WDPCP: variants seen among roughly 807,000 people sequenced by gnomAD.
WDPCP encodes the protein WD repeat-containing and planar cell polarity effector protein fritz homolog.
WDPCP carries 71 observed loss-of-function variants against 93.1 expected under a neutral mutation model. The observed-to-expected ratio is 0.76, with a 90% confidence interval of 0.63 to 0.93. The LOEUF (loss-of-function observed/expected upper bound fraction) is 0.93, where lower values mean the gene tolerates loss of function less well. WDPCP is among the 40% of genes least tolerant of loss of function. The pLI, the probability that WDPCP is intolerant of heterozygous loss-of-function variation, is 0.00. For synonymous variants in WDPCP, 315 were observed against 315.0 expected, an observed-to-expected ratio of 1.00 and a Z score of 0.00; for missense variants, 844 against 887.4, an observed-to-expected ratio of 0.95 and a Z score of 0.62.
rs905827208 is a variant in WDPCP, at chr2:63,805,548, TG to T, written n.308+8073del. Among the ~76,000 whole-genome samples, 26 of 152,288 alleles carry T rather than the reference TG, an allele frequency of 1.7e-4. No individual in the cohort carries two copies. The East Asian group carries it at 3.9e-3, about 23-fold the overall frequency. On this transcript the variant is annotated intron_variant and non_coding_transcript_variant, in intron 2 of 4. Coordinates refer to the WDPCP transcript ENST00000467687. ...TTGATAGATTCACTCCACCCAATTA[TG>T]ATCTGCAGATTAATGGCTGTCAGCC...
chr2:63,696,381 A>C (rs908721659), intron 2 of WDPCP, among the ~76,000 whole-genome samples: 2 of 152,188 alleles, frequency 1.3e-5, no homozygotes, highest in Non-Finnish European at 2.9e-5. Flanking sequence ...TGAAGCCATG[A>C]AATTTTTCTG....
chr2:63,314,572 C>G (rs1686488767), intron 12 of WDPCP, among the ~76,000 whole-genome samples: 2 of 152,114 alleles, frequency 1.3e-5, no homozygotes, highest in South Asian at 2.1e-4. Context: ...CCTACCTTGG[C>G]TTGCCCTGCT....
chr2:63,604,792 A>G lies in WDPCP; in HGVS notation n.488+45867T>C, dbSNP rs770773448. 1.9e-6 allele frequency: 3 copies of G among 1,614,110 alleles called. No individual in the cohort carries two copies. In the African/African-American group the frequency reaches 4.0e-5, roughly 22 times the overall value. ...TCAGTATCCAGATGTCAACCATGCC[A>G]AGGTGAAATTGCAAGGAAAGGAAGT... is the stretch of plus-strand genomic sequence containing the variant. On this transcript the variant is annotated intron_variant and non_coding_transcript_variant, in intron 3 of 4. Coordinates refer to the WDPCP transcript ENST00000467687.
chr2:63,460,690 G>A (rs887621686), intron 6 of WDPCP, among the ~76,000 whole-genome samples: 17 of 151,696 alleles, frequency 1.1e-4, no homozygotes, highest in Admixed American at 7.9e-4. Context: ...AGTCTTGCTC[G>A]ATCTCGGCTC....
chr2:63,152,996 C>G (rs762922614), intron 16 of WDPCP, 51 bp from the exon 17 acceptor site: 1 of 1,544,510 alleles, frequency 6.5e-7, no homozygotes, highest in Non-Finnish European at 8.9e-7. Context: ...AATAATGGAC[C>G]TTAAGAAAAT....
intron 2 of WDPCP, among the ~76,000 whole-genome samples, chr2:63,796,674 G>A (rs1670622492): frequency 6.6e-6 from 1 of 152,232 alleles, no homozygotes. Context: ...CCCAGCCAGA[G>A]GAGAGCAGCA....
At chr2:63,832,154 G>C (rs1001030795), upstream of WDPCP, among the ~76,000 whole-genome samples, 1 of 152,186 alleles carries the variant, frequency 6.6e-6, no homozygotes, top group Non-Finnish European at 1.5e-5. Context: ...AATGAGAGCT[G>C]GATAGCCTAA....
intron 1 of WDPCP, among the ~76,000 whole-genome samples, chr2:63,575,483 A>G (rs1347179702): frequency 3.2e-5 from 3 of 94,884 alleles, no homozygotes; most frequent in Non-Finnish European, 6.7e-5. Flanking sequence ...TATACAGTGT[A>G]TATATAGTAT....
intron 14 of WDPCP, among the ~76,000 whole-genome samples, chr2:63,216,521 G>A (rs1259563288): frequency 1.3e-5 from 2 of 152,024 alleles, no homozygotes; most frequent in African/African-American, 2.4e-5. Context: ...AGAACACTTG[G>A]ACACAGGATG....
chr2:63,158,574 A>G (rs1223062008), intron 15 of WDPCP, among the ~76,000 whole-genome samples: 2 of 152,022 alleles, frequency 1.3e-5, no homozygotes, highest in African/African-American at 4.8e-5. Context: ...ATATTTACTA[A>G]GTTTTCCTTC....
At position 63,446,002 on chromosome 2, in the gene WDPCP, A is replaced by G. The variant is rs1459560330; in HGVS notation, c.385-6131T>C. Reference sequence around the variant, plus strand: ...TCAAAGGTCTCATAATTAGTGGGAAAGTGGAGACCAAGACAGGTCTATTAA... The same window carrying G: ...TCAAAGGTCTCATAATTAGTGGGAAGGTGGAGACCAAGACAGGTCTATTAA... On this transcript the variant is annotated intron_variant, in intron 6 of 17. Transcript: ENST00000272321. Among the ~76,000 whole-genome samples, 3 of 152,210 alleles carry G rather than the reference A, an allele frequency of 2.0e-5. No homozygotes were observed. The East Asian group carries it at 5.8e-4, about 29-fold the overall frequency.
chr2:63,357,427 C>T (rs567249896), intron 12 of WDPCP, among the ~76,000 whole-genome samples: 2 of 152,110 alleles, frequency 1.3e-5, no homozygotes, highest in East Asian at 3.9e-4. Context: ...AAGAGAAAAA[C>T]AACTCCATTA....
intron 17 of WDPCP, 24 bp downstream of exon 17, chr2:63,152,890 T>C: frequency 6.2e-7 from 1 of 1,604,840 alleles, no homozygotes; most frequent in Non-Finnish European, 8.5e-7. Flanking sequence ...AAATGTCTAG[T>C]AATAAACAGA....
At chr2:63,178,274 G>A (rs961454251) in intron 14 of WDPCP, among the ~76,000 whole-genome samples, 4 of 152,092 alleles carry the variant, frequency 2.6e-5, no homozygotes, top group Non-Finnish European at 5.9e-5. Flanking sequence ...GGAAGAGTTT[G>A]AGGAGAATGG....
intron 17 of WDPCP, among the ~76,000 whole-genome samples, chr2:63,140,082 C>G (rs1670941462): frequency 6.6e-6 from 1 of 152,130 alleles, no homozygotes; most frequent in South Asian, 2.1e-4. Flanking sequence ...CCTTTCCCCA[C>G]TTTATGTTTT....
At chr2:63,645,663 T>C (rs189910993) in intron 3 of WDPCP, among the ~76,000 whole-genome samples, 184 of 152,364 alleles carry the variant, frequency 1.2e-3, no homozygotes, top group African/African-American at 4.2e-3. Flanking sequence ...TAATAATATT[T>C]GCTTTATATA....
intron 3 of WDPCP, among the ~76,000 whole-genome samples, chr2:63,607,826 C>CAA (rs60229846): frequency 8.4e-6 from 1 of 118,970 alleles, no homozygotes; most frequent in Non-Finnish European, 1.9e-5. Context: ...GACTCCGTCT[C>CAA]AAAAAAAAAA....
chr2:63,327,639 C>T (rs1456635873), intron 12 of WDPCP, among the ~76,000 whole-genome samples: 1 of 152,084 alleles, frequency 6.6e-6, no homozygotes, highest in African/African-American at 2.4e-5. Flanking sequence ...AGATATCGCC[C>T]GGCATTTACA....
At chr2:63,588,740 G>A (rs908108654), upstream of WDPCP, 29 of 482,784 alleles carry the variant, frequency 6.0e-5, no homozygotes, top group Non-Finnish European at 9.9e-5. Flanking sequence ...GTTTGTTGTC[G>A]TCCTCCAATC....
Sources: allele counts gnomAD v4.1 joint callset (sites outside exome capture counted in the v4.1 genomes callset), GRCh38; gene constraint gnomAD v4.1.1; transcripts MANE v1.5; gene names NCBI Gene and HGNC (gene_info 2026-07-23, HGNC 2026-07-21).